The following ABLIM1 variants were observed in gnomAD, a reference collection of about 807,000 sequenced individuals.
ABLIM1 encodes the protein actin-binding LIM protein 1.
In ABLIM1, 40 loss-of-function variants were observed where a neutral mutation model predicts 107.0. That is an observed-to-expected ratio of 0.37 (90% confidence interval 0.29 to 0.49). The LOEUF (loss-of-function observed/expected upper bound fraction) is 0.49, where lower values mean the gene tolerates loss of function less well. Ranked by LOEUF, ABLIM1 falls within the 20% of genes least tolerant of loss-of-function variation. ABLIM1 has a pLI of 0.97. For missense variants in ABLIM1, 857 were observed against 1,008.5 expected (o/e 0.85, Z 2.04); for synonymous variants, 357 against 357.3 (o/e 1.00, Z 0.01).
intron 6 of ABLIM1, among the ~76,000 whole-genome samples, chr10:114,500,925 T>C (rs1208285420): frequency 6.6e-6 from 1 of 150,904 alleles, no homozygotes; most frequent in Non-Finnish European, 1.5e-5. Context: ...CCTTAAAGAA[T>C]TGGGCCACAC....
intron 16 of ABLIM1, among the ~76,000 whole-genome samples, chr10:114,444,516 C>T (rs972660271): frequency 6.6e-6 from 1 of 151,856 alleles, no homozygotes; most frequent in Non-Finnish European, 1.5e-5. Flanking sequence ...TGTTTAAAAA[C>T]AAGAAATAAA....
intron 22 of ABLIM1, among the ~76,000 whole-genome samples, 190 bp from the exon 23 acceptor site, chr10:114,436,563 C>G (rs1453036572): frequency 6.6e-6 from 1 of 152,110 alleles, no homozygotes; most frequent in Non-Finnish European, 1.5e-5. Flanking sequence ...GAGCCCTTCC[C>G]ATCAGATAAA....
At chr10:114,644,306 A>AAAT (rs1408072252) in intron 1 of ABLIM1, among the ~76,000 whole-genome samples, 41 of 52,262 alleles carry the variant, frequency 7.8e-4, no homozygotes, top group Admixed American at 9.4e-4. Flanking sequence ...AAAAAAAAAA[A>AAAT]ATATATATAT....
intron 1 of ABLIM1, among the ~76,000 whole-genome samples, chr10:114,668,702 A>C (rs2080127472): frequency 6.6e-6 from 1 of 152,184 alleles, no homozygotes; most frequent in African/African-American, 2.4e-5. Flanking sequence ...GACTGCAAAA[A>C]AGTAGAGCCA....
intron 4 of ABLIM1, among the ~76,000 whole-genome samples, chr10:114,570,627 T>C (rs1339979124): frequency 8.0e-6 from 1 of 124,656 alleles, no homozygotes; most frequent in South Asian, 3.0e-4. Flanking sequence ...TTTTTTGAGA[T>C]GGTCTAGCTT....
At chr10:114,601,301 G>A (rs1304799900) in intron 2 of ABLIM1, among the ~76,000 whole-genome samples, 1 of 139,220 alleles carries the variant, frequency 7.2e-6, no homozygotes, top group South Asian at 2.3e-4. Context: ...TCTCACTCTT[G>A]TTGCTCAGGC....
At chr10:114,790,636 C>T in the ABLIM1 span, among the ~76,000 whole-genome samples, 11 of 152,208 alleles carry the variant, frequency 7.2e-5, no homozygotes, top group Admixed American at 6.5e-5. Flanking sequence ...GCACAGGTCA[C>T]ATTTCCCATG....
intron 10 of ABLIM1, among the ~76,000 whole-genome samples, chr10:114,472,293 G>T (rs774060215): frequency 6.6e-6 from 1 of 152,044 alleles, no homozygotes; most frequent in Non-Finnish European, 1.5e-5. Flanking sequence ...TCTCAACTAT[G>T]TTGTCCAGGG....
At chr10:114,562,890 G>A (rs1238360458) in intron 4 of ABLIM1, among the ~76,000 whole-genome samples, 2 of 152,168 alleles carry the variant, frequency 1.3e-5, no homozygotes, top group Non-Finnish European at 2.9e-5. Context: ...AGTCCTTGCC[G>A]TTCAGTAGCT....
the ABLIM1 span, among the ~76,000 whole-genome samples, chr10:114,787,226 CCTGT>C: frequency 1.4e-4 from 22 of 152,062 alleles, no homozygotes; most frequent in South Asian, 3.1e-3. Context: ...TGGCAACCGC[CCTGT>C]CTGAGAAGCG....
At chr10:114,664,396 G>T (rs1180325936) in intron 1 of ABLIM1, among the ~76,000 whole-genome samples, 1 of 152,188 alleles carries the variant, frequency 6.6e-6, no homozygotes, top group Non-Finnish European at 1.5e-5. Context: ...CCTAACTACA[G>T]TGCAACTTGG....
chr10:114,628,116 CTG>C (rs909279082), intron 1 of ABLIM1, among the ~76,000 whole-genome samples: 2 of 150,940 alleles, frequency 1.3e-5, no homozygotes, highest in African/African-American at 4.9e-5. Context: ...GAGTGAAACT[CTG>C]TTTCAAAAAA....
intron 15 of ABLIM1, among the ~76,000 whole-genome samples, chr10:114,446,080 C>T (rs1283728159): frequency 6.6e-6 from 1 of 152,134 alleles, no homozygotes; most frequent in African/African-American, 2.4e-5. Flanking sequence ...CCTCAATTTT[C>T]AAATAGAAAG....
At chr10:114,632,172 G>T (rs1385549839) in intron 1 of ABLIM1, 6 of 985,296 alleles carry the variant, frequency 6.1e-6, no homozygotes, top group African/African-American at 1.7e-5. Flanking sequence ...CCAGCTCGGG[G>T]ACTCTGCCCT....
intron 2 of ABLIM1, among the ~76,000 whole-genome samples, chr10:114,596,730 C>T (rs2075450150): frequency 6.6e-6 from 1 of 152,206 alleles, no homozygotes; most frequent in Non-Finnish European, 1.5e-5. Context: ...CCCTTTCCCA[C>T]CTTCATATTT....
chr10:114,569,327 T>C (rs541724579), intron 4 of ABLIM1, among the ~76,000 whole-genome samples: 3 of 151,908 alleles, frequency 2.0e-5, no homozygotes, highest in African/African-American at 7.2e-5. Context: ...TTTCTTTTTT[T>C]TTTTTCTTTG....
intron 4 of ABLIM1, among the ~76,000 whole-genome samples, chr10:114,559,512 A>G (rs935524454): frequency 1.3e-5 from 2 of 151,670 alleles, no homozygotes; most frequent in Non-Finnish European, 2.9e-5. Flanking sequence ...TCCAACCTTC[A>G]TGAGTGAAAA....
chr10:114,465,777 G>A lies in ABLIM1; in HGVS notation c.1362C>T (p.Gly454=), dbSNP rs755465448. ...GGCTGTACACAGGGGAGTTGATGGAGCCCTGGCTCGTGGACCGATGGATCA... is the reference window on the plus strand; with the variant it reads ...GGCTGTACACAGGGGAGTTGATGGAACCCTGGCTCGTGGACCGATGGATCA... ...DRMIHRSTSQ[G]SINSPVYSRH... is the part of the protein sequence containing the mutation. Residue 454 remains glycine, a synonymous_variant, in exon 12 of 23, where the codon GGC becomes GGT. Transcript: ENST00000533213. 1.1e-5 allele frequency: 18 copies of A among 1,614,102 alleles called. 1 individual carries two copies. The highest frequency in any genetic ancestry group is 4.4e-5 in the South Asian group (4 of 91,074).
chr10:114,466,242 C>A (rs968480398), intron 11 of ABLIM1, among the ~76,000 whole-genome samples: 1 of 151,870 alleles, frequency 6.6e-6, no homozygotes, highest in South Asian at 2.1e-4. Context: ...CTCAGGAGTT[C>A]GAGGCTGCAG....
Sources: gnomAD v4.1 joint callset for allele counts (sites outside exome capture counted in the v4.1 genomes callset) on GRCh38, gnomAD v4.1.1 for gene constraint, MANE v1.5 for transcripts, NCBI Gene and HGNC (gene_info 2026-07-23, HGNC 2026-07-21) for gene names.